Variants in MACROD2 observed in about 807,000 individuals in gnomAD.
MACROD2 encodes the protein ADP-ribose glycohydrolase MACROD2.
A neutral mutation model predicts 70.4 loss-of-function variants in MACROD2; 36 were observed. That is an observed-to-expected ratio of 0.51 (90% CI 0.39 to 0.68). MACROD2 has a LOEUF of 0.68. Among genes scored for constraint, MACROD2 ranks in the 30% least tolerant of loss-of-function variants. MACROD2 has a pLI of 0.00. For missense variants in MACROD2, 496 were observed against 538.4 expected, an observed-to-expected ratio of 0.92 and a Z score of 0.78; for synonymous variants, 172 against 178.8, an observed-to-expected ratio of 0.96 and a Z score of 0.30.
At chr20:15,708,673 G>A (rs770717221) in intron 8 of MACROD2, among the ~76,000 whole-genome samples, 6 of 140,932 alleles carry the variant, frequency 4.3e-5, no homozygotes, top group Non-Finnish European at 9.8e-5. Context: ...AGGAGTTCAA[G>A]ACCAGTCTGG....
chr20:14,383,666 A>C (rs931539861), intron 3 of MACROD2, among the ~76,000 whole-genome samples: 3 of 152,218 alleles, frequency 2.0e-5, no homozygotes, highest in African/African-American at 7.2e-5. Flanking sequence ...TGTTCATGAA[A>C]TATTACAACT....
chr20:15,135,214 T>C (rs1167997107), intron 5 of MACROD2, among the ~76,000 whole-genome samples: 1 of 150,910 alleles, frequency 6.6e-6, no homozygotes, highest in African/African-American at 2.4e-5. Context: ...ACTCATTTTA[T>C]GAGGCCAGCA....
intron 7 of MACROD2, among the ~76,000 whole-genome samples, chr20:15,468,870 A>G (rs2046929711): frequency 6.6e-6 from 1 of 152,216 alleles, no homozygotes; most frequent in African/African-American, 2.4e-5. Context: ...CTCTCTTAGA[A>G]GTATTAGAAG....
At chr20:15,160,499 T>C (rs1175684807) in intron 5 of MACROD2, among the ~76,000 whole-genome samples, 1 of 152,164 alleles carries the variant, frequency 6.6e-6, no homozygotes, top group Non-Finnish European at 1.5e-5. Flanking sequence ...TTGACCCTAC[T>C]TTTTATAAGA....
intron 8 of MACROD2, among the ~76,000 whole-genome samples, chr20:15,688,870 G>A (rs1216339815): frequency 6.6e-6 from 1 of 152,168 alleles, no homozygotes; most frequent in African/African-American, 2.4e-5. Flanking sequence ...TCTTAACAAC[G>A]GTTAGTAATG....
chr20:14,578,215 GA>G (rs1980746570), intron 4 of MACROD2, among the ~76,000 whole-genome samples: 1 of 151,214 alleles, frequency 6.6e-6, no homozygotes, highest in Non-Finnish European at 1.5e-5. Flanking sequence ...CACAAATTGA[GA>G]AAAAATTTAG....
chr20:15,385,241 A>G (rs1330522234), intron 6 of MACROD2, among the ~76,000 whole-genome samples: 1 of 152,210 alleles, frequency 6.6e-6, no homozygotes, highest in Non-Finnish European at 1.5e-5. Flanking sequence ...ATAATTTTAA[A>G]TTTAGCAAGA....
intron 5 of MACROD2, among the ~76,000 whole-genome samples, chr20:14,994,849 G>A (rs537537575): frequency 2.0e-5 from 3 of 151,996 alleles, no homozygotes; most frequent in Admixed American, 1.3e-4. Context: ...CTTAGATTTG[G>A]TTGATCTGGC....
chr20:14,431,731 T>G (rs1016963216), intron 3 of MACROD2, among the ~76,000 whole-genome samples: 1 of 152,188 alleles, frequency 6.6e-6, no homozygotes, highest in Non-Finnish European at 1.5e-5. Context: ...TGCAGTGCTC[T>G]GCCTTTAAGA....
intron 4 of MACROD2, among the ~76,000 whole-genome samples, chr20:14,641,724 G>A (rs1985108199): frequency 6.6e-6 from 1 of 152,154 alleles, no homozygotes; most frequent in South Asian, 2.1e-4. Flanking sequence ...TTTTTTCTGA[G>A]CAGTAGGTCT....
At chr20:14,217,803 T>C (rs2081636174) in intron 3 of MACROD2, among the ~76,000 whole-genome samples, 1 of 152,176 alleles carries the variant, frequency 6.6e-6, no homozygotes, top group African/African-American at 2.4e-5. Flanking sequence ...TGTAAAGGTG[T>C]TCATAGTAGC....
chr20:15,073,113 A>G (rs1365948598), intron 5 of MACROD2, among the ~76,000 whole-genome samples: 1 of 152,116 alleles, frequency 6.6e-6, no homozygotes, highest in Non-Finnish European at 1.5e-5. Context: ...GAACTGTGAG[A>G]AATGAACTTT....
intron 6 of MACROD2, among the ~76,000 whole-genome samples, chr20:15,293,267 G>C (rs1184586831): frequency 6.6e-6 from 1 of 152,160 alleles, no homozygotes; most frequent in Admixed American, 6.5e-5. Context: ...TATTTCAGAA[G>C]TATCCATTTT....
intron 4 of MACROD2, among the ~76,000 whole-genome samples, chr20:14,583,661 G>A (rs1981187965): frequency 6.6e-6 from 1 of 152,044 alleles, no homozygotes; most frequent in African/African-American, 2.4e-5. Context: ...CTATGAAACA[G>A]GAATATTAAG....
intron 5 of MACROD2, among the ~76,000 whole-genome samples, chr20:15,083,882 TG>T: frequency 6.6e-6 from 1 of 152,104 alleles, no homozygotes; most frequent in East Asian, 1.9e-4. Context: ...TGAAATCCTA[TG>T]TTCTGTATCT....
At chr20:15,048,280 CA>C (rs1568548474) in intron 5 of MACROD2, among the ~76,000 whole-genome samples, 1 of 151,976 alleles carries the variant, frequency 6.6e-6, no homozygotes, top group Non-Finnish European at 1.5e-5. Flanking sequence ...GACTCCATCT[CA>C]AAAACAAACA....
chr20:14,340,597 T>G (rs927694791), intron 3 of MACROD2, among the ~76,000 whole-genome samples: 1 of 152,166 alleles, frequency 6.6e-6, no homozygotes, highest in Non-Finnish European at 1.5e-5. Context: ...TTTTTTCTCT[T>G]GTACTTACAC....
At chr20:15,139,003 C>T (rs541301723) in intron 5 of MACROD2, among the ~76,000 whole-genome samples, 5 of 152,112 alleles carry the variant, frequency 3.3e-5, no homozygotes, top group East Asian at 1.9e-4. Flanking sequence ...AGAATTGTAC[C>T]GTAAAAGCAC....
chr20:15,937,109 A>G (rs1440152626), intron 11 of MACROD2, among the ~76,000 whole-genome samples: 3 of 152,236 alleles, frequency 2.0e-5, no homozygotes, highest in East Asian at 1.9e-4. Flanking sequence ...ACATAAAAGC[A>G]CTTTGTAGGA....
Sources: gnomAD v4.1 joint callset for allele counts (sites outside exome capture counted in the v4.1 genomes callset) on GRCh38, gnomAD v4.1.1 for gene constraint, MANE v1.5 for transcripts, NCBI Gene and HGNC (gene_info 2026-07-23, HGNC 2026-07-21) for gene names.